Variants in SAGE1 observed in about 807,000 individuals in gnomAD.
The protein encoded by SAGE1 is cancer/testis antigen 14.
SAGE1 carries 55 observed loss-of-function variants against 55.4 expected under a neutral mutation model. The ratio of observed to expected loss-of-function variants is 0.99; its 90% CI spans 0.80 to 1.24. The LOEUF is 1.24. Ranked by LOEUF, SAGE1 falls within the 50% of genes most tolerant of loss-of-function variation. The pLI, the probability that SAGE1 is intolerant of heterozygous loss-of-function variation, is 0.00. For missense variants in SAGE1, 710 were observed against 704.4 expected, an observed-to-expected ratio of 1.01 and a Z score of -0.09; for synonymous variants, 240 against 244.3, an observed-to-expected ratio of 0.98 and a Z score of 0.17.
intron 15 of SAGE1, 95 bp from the exon 16 acceptor site, chrX:135,910,320 G>A: frequency 9.2e-7 from 1 of 1,082,574 alleles, no homozygotes; most frequent in Non-Finnish European, 1.3e-6. Context: ...CCTTCTTAAT[G>A]AGATAATTTC....
At position 135,906,441 on chromosome X, in the gene SAGE1, A is replaced by G. The variant is rs782702071; in HGVS notation, c.626A>G (p.Gln209Arg). ...ACAGTCACTCACAATGTCTGTGAAC[A>G]GAAGATGGAAAATGTCCAACCAGCA... Reference protein sequence around the residue: ...YATVTHNVCEQKMENVQPAPD... With the variant: ...YATVTHNVCERKMENVQPAPD... The change falls in exon 7 of 20, where the codon CAG becomes CGG. Residue 209 changes from glutamine to arginine, a missense_variant. Physicochemically the swap from Gln to Arg is conservative, Grantham distance 43 (BLOSUM62 1). Coordinates refer to ENST00000370709, the MANE Select transcript of SAGE1 (RefSeq NM_001381902.1). The G allele has an allele frequency of 1.4e-5, 17 of 1,210,262 alleles. No homozygotes were observed. The South Asian group carries it at 2.8e-4, about 20-fold the overall frequency.
chrX:135,904,847 C>G (rs2088755952), intron 4 of SAGE1, among the ~76,000 whole-genome samples: 1 of 111,480 alleles, frequency 9.0e-6, no homozygotes, highest in African/African-American at 3.3e-5. Context: ...AGCTCAACCT[C>G]TTCACTTGGT....
At position 135,911,634 on chromosome X, in the gene SAGE1, T is replaced by A. The variant is rs2088900042; in HGVS notation, c.2202T>A (p.Pro734=). 8.3e-7 allele frequency: 1 copy of A among 1,209,103 alleles called. No homozygotes were observed. Among genetic ancestry groups the A allele is most frequent in the African/African-American group, 1.7e-5 (1 of 57,189 alleles). ...QEEEMENDQT[P]PDGFLSNSDS... Reference sequence around the variant, plus strand: ...AGGAGATGGAAAATGATCAAACCCCTCCTGATGGCTTCCTGTCAAATTCTG... The same window carrying A: ...AGGAGATGGAAAATGATCAAACCCCACCTGATGGCTTCCTGTCAAATTCTG... The change falls in exon 18 of 20, where the codon CCT becomes CCA. Residue 734 remains proline (P), a synonymous_variant. Coordinates refer to ENST00000370709, the MANE Select transcript of SAGE1 (RefSeq NM_001381902.1).
Position 135,906,462 on chromosome X carries a change from C to G in SAGE1, c.647C>G (p.Pro216Arg). The change falls in exon 7 of 20, where the codon CCA (proline) becomes CGA (arginine). Residue 216 changes from proline (P) to arginine (R), a missense_variant. Transcript: ENST00000370709. ...VCEQKMENVQ[P>R]APDNVLLTLR... ...GAACAGAAGATGGAAAATGTCCAAC[C>G]AGCACCTGATAACGTGTTGTTGACT... is the stretch of plus-strand genomic sequence containing the variant. The G allele has an allele frequency of 1.7e-6, 2 of 1,210,332 alleles. No homozygotes were observed. The highest frequency in any genetic ancestry group is 1.8e-5 in the South Asian group (1 of 56,914).
In SAGE1 at chrX:135,909,024, G is replaced by A. The variant is rs782578022; in HGVS notation, c.1582+20G>A. ...ATCTGTGTATGTCTGTTAATTAGTTGTACTGTCATACTTGGTTTACATATG... is the reference window on the plus strand; with the variant it reads ...ATCTGTGTATGTCTGTTAATTAGTTATACTGTCATACTTGGTTTACATATG... On this transcript the variant is annotated intron_variant, in intron 13 of 19. Coordinates refer to ENST00000370709, the MANE Select transcript of SAGE1 (RefSeq NM_001381902.1). 2 of 1,184,067 alleles carry A rather than the reference G, an allele frequency of 1.7e-6. No individual in the cohort carries two copies. The highest frequency in any genetic ancestry group is 1.8e-5 in the South Asian group (1 of 54,702).
intron 3 of SAGE1, among the ~76,000 whole-genome samples, chrX:135,902,049 C>T: frequency 8.9e-6 from 1 of 112,135 alleles, no homozygotes; most frequent in Non-Finnish European, 1.9e-5. Flanking sequence ...CAGTTGTTTA[C>T]TCCCTCCTGC....
rs782394903 is a variant in SAGE1, at chrX:135,905,313, C to G, written c.375C>G (p.Asp125Glu). The G allele has an allele frequency of 2.2e-5, 27 of 1,205,204 alleles. No homozygotes were observed. Among genetic ancestry groups the G allele is most frequent in the Non-Finnish European group, 2.9e-5 (26 of 891,025 alleles). The change falls in exon 5 of 20, where the codon GAC (aspartate) becomes GAG (glutamate). Residue 125 changes from aspartate (D) to glutamate (E), a missense_variant. Coordinates refer to ENST00000370709, the MANE Select transcript of SAGE1 (RefSeq NM_001381902.1). ...ERMENGQSRT[D>E]KVLSTAPPQL... ...TGGAAAATGGCCAATCTCGAACTGA[C>G]AAAGTCTTGTCAACTGCTCCACCAC...
At chrX:135,902,913 G>A (rs1165011550) in intron 3 of SAGE1, among the ~76,000 whole-genome samples, 3 of 111,371 alleles carry the variant, frequency 2.7e-5, no homozygotes, top group Admixed American at 9.5e-5. Context: ...TCTAATCTTC[G>A]CTCATCTATC....
chrX:135,904,132 T>C (rs1485829305), intron 3 of SAGE1, among the ~76,000 whole-genome samples: 6 of 111,401 alleles, frequency 5.4e-5, no homozygotes, highest in Non-Finnish European at 7.5e-5. Context: ...AAATGGCCAA[T>C]CTGCACACAA....
intron 15 of SAGE1, 93 bp from the exon 16 acceptor site, chrX:135,910,322 G>A (rs1314519275): frequency 9.2e-7 from 1 of 1,084,204 alleles, no homozygotes; most frequent in Non-Finnish European, 1.3e-6. Context: ...TTCTTAATGA[G>A]ATAATTTCCT....
intron 3 of SAGE1, among the ~76,000 whole-genome samples, chrX:135,902,767 C>T (rs1296153870): frequency 1.8e-5 from 2 of 111,643 alleles, no homozygotes; most frequent in African/African-American, 3.3e-5. Context: ...ATTACTCTCT[C>T]ATTTCCCATT....
At chrX:135,910,318 A>G in intron 15 of SAGE1, 97 bp from the exon 16 acceptor site, 1 of 1,079,382 alleles carries the variant, frequency 9.3e-7, no homozygotes, top group Non-Finnish European at 1.3e-6. Flanking sequence ...CTCCTTCTTA[A>G]TGAGATAATT....
intron 1 of SAGE1, 52 bp from the exon 2 acceptor site, chrX:135,896,191 A>C: frequency 1.1e-6 from 1 of 903,972 alleles, no homozygotes; most frequent in Non-Finnish European, 1.6e-6. Context: ...TTCCAGTTAT[A>C]AATCAAAGTG....
chrX:135,898,108 C>T (rs2088614603), intron 2 of SAGE1, among the ~76,000 whole-genome samples: 1 of 111,682 alleles, frequency 9.0e-6, no homozygotes, highest in Non-Finnish European at 1.9e-5. Flanking sequence ...AGCTCCGCCT[C>T]CCGGGCTCAT....
At chrX:135,898,788 C>A (rs1381028041) in intron 2 of SAGE1, among the ~76,000 whole-genome samples, 5 of 111,963 alleles carry the variant, frequency 4.5e-5, no homozygotes, top group Non-Finnish European at 9.4e-5. Context: ...GCGTGAATAT[C>A]TTCTTTTGAG....
Position 135,912,374 on chromosome X carries a change from A to T in SAGE1, c.2575A>T (p.Lys859Ter), listed in dbSNP as rs1556607011. The T allele has an allele frequency of 8.3e-7, 1 of 1,206,418 alleles. No individual in the cohort carries two copies. ...AGAGGTACAAGGATCTATGAAAGTC[A>T]AGAGACAATTTGTTGAATTTACCAT... ...LEEVQGSMKVKRQFVEFTIKE... is the reference protein window; with the variant it reads ...LEEVQGSMKV Residue 859 changes from lysine to a stop codon, truncating the protein, a stop_gained, in exon 19 of 20, where the codon AAG becomes TAG. Transcript: ENST00000370709. LOFTEE classifies it low-confidence loss of function (END_TRUNC).
chrX:135,912,677 A>G (rs1569521891), intron 19 of SAGE1, 121 bp from the exon 20 acceptor site: 6 of 1,110,024 alleles, frequency 5.4e-6, no homozygotes, highest in African/African-American at 1.9e-5. Flanking sequence ...GTATCTTTCA[A>G]TGAGGATGCA....
At chrX:135,904,999 A>T (rs781798979) in intron 4 of SAGE1, among the ~76,000 whole-genome samples, 2 of 111,472 alleles carry the variant, frequency 1.8e-5, no homozygotes, top group African/African-American at 6.5e-5. Flanking sequence ...AGTACCAGGG[A>T]TCTGTGTGTG....
Position 135,912,397 on chromosome X carries a change from C to T in SAGE1, c.2598C>T (p.Thr866=), listed in dbSNP as rs782181512. ...TCAAGAGACAATTTGTTGAATTTAC[C>T]ATCAAGGAAGCAGCAAGGTGAGTGC... The part of the protein sequence containing the change: ...MKVKRQFVEF[T]IKEAARFKKV... The change falls in exon 19 of 20, where the codon ACC becomes ACT. Residue 866 remains threonine (T), a synonymous_variant. Transcript: ENST00000370709. 4 of 1,204,979 alleles carry T rather than the reference C, an allele frequency of 3.3e-6. No individual in the cohort carries two copies. The highest frequency in any genetic ancestry group is 4.5e-6 in the Non-Finnish European group (4 of 893,231).
Sources: allele counts gnomAD v4.1 joint callset (sites outside exome capture counted in the v4.1 genomes callset), GRCh38; gene constraint gnomAD v4.1.1; transcripts MANE v1.5; gene names NCBI Gene and HGNC (gene_info 2026-07-23, HGNC 2026-07-21).